IL22RA2: variants seen among roughly 807,000 people sequenced by gnomAD.
IL22RA2 encodes interleukin 22 receptor subunit alpha 2, also known as interleukin-22 receptor subunit alpha-2.
A neutral mutation model predicts 30.7 loss-of-function variants in IL22RA2; 39 were observed. That is an observed-to-expected ratio of 1.27 (90% CI 0.98 to 1.66). The LOEUF is 1.66. Ranked by LOEUF, IL22RA2 falls within the 40% of genes most tolerant of loss-of-function variation. The pLI is 0.00. For missense variants in IL22RA2, 315 were observed against 312.7 expected, an observed-to-expected ratio of 1.01 and a Z score of -0.05; for synonymous variants, 103 against 105.0, an observed-to-expected ratio of 0.98 and a Z score of 0.11.
At chr6:137,168,189 A>T (rs1778658860) in intron 1 of IL22RA2, among the ~76,000 whole-genome samples, 1 of 152,220 alleles carries the variant, frequency 6.6e-6, no homozygotes, top group African/African-American at 2.4e-5. Context: ...AAACTCTGTT[A>T]TACCAGACCT....
chr6:137,165,471 A>G (rs1778608680), intron 1 of IL22RA2, among the ~76,000 whole-genome samples: 1 of 152,206 alleles, frequency 6.6e-6, no homozygotes, highest in African/African-American at 2.4e-5. Flanking sequence ...GAAAAGCTAG[A>G]TGCAGAGCTA....
At chr6:137,169,269 G>T (rs752767893) in intron 1 of IL22RA2, among the ~76,000 whole-genome samples, 1 of 152,210 alleles carries the variant, frequency 6.6e-6, no homozygotes, top group Admixed American at 6.5e-5. Context: ...CTTTATAGAT[G>T]ATTCCTCTGT....
intron 2 of IL22RA2, among the ~76,000 whole-genome samples, chr6:137,158,904 G>T (rs536056256): frequency 6.6e-5 from 10 of 152,224 alleles, no homozygotes; most frequent in African/African-American, 2.4e-4. Flanking sequence ...CCACTTCTGG[G>T]CTCCAGGACC....
At chr6:137,167,894 T>A (rs944092898) in intron 1 of IL22RA2, among the ~76,000 whole-genome samples, 2 of 152,224 alleles carry the variant, frequency 1.3e-5, no homozygotes, top group Admixed American at 6.5e-5. Context: ...GGAAGCTGAC[T>A]AGTCTATGCA....
At chr6:137,149,158 C>T (rs754580228) in intron 5 of IL22RA2, among the ~76,000 whole-genome samples, 2 of 152,080 alleles carry the variant, frequency 1.3e-5, no homozygotes, top group Non-Finnish European at 2.9e-5. Flanking sequence ...GGGTGAAAGT[C>T]CCTCAATATC....
rs28741412 is a variant in IL22RA2, at chr6:137,164,714, C to T, written c.-65-2900G>A. ...GGGAGGAACTCCAGGGTGATGAGGT[C>T]GGCCGCCTTAGGTCGGTCCGTGCCC... On this transcript the variant is annotated intron_variant, in intron 1 of 6. Transcript: ENST00000296980. Among the ~76,000 whole-genome samples, 243 of 152,330 alleles carry T rather than the reference C, an allele frequency of 1.6e-3. 2 individuals are homozygous for T. The highest frequency in any genetic ancestry group is 5.6e-3 in the African/African-American group (231 of 41,574).
chr6:137,145,481 A>G lies in IL22RA2; in HGVS notation c.*143T>C. The G allele has an allele frequency of 1.5e-6, 1 of 651,814 alleles. No individual in the cohort carries two copies. The highest frequency in any genetic ancestry group is 2.4e-6 in the Non-Finnish European group (1 of 408,636). 40.4% of individuals were successfully genotyped at this position (651,814 alleles called of 1,614,324 possible). On this transcript the variant is annotated 3_prime_UTR_variant, in exon 7 of 7. Coordinates refer to ENST00000296980, the MANE Select transcript of IL22RA2 (RefSeq NM_052962.3). ...ATATAAAGGATAAAAGAATGGATAA[A>G]CAAAGAAGTCCCCAAGGTGTAACAG...
chr6:137,167,827 G>C (rs893134361), intron 1 of IL22RA2, among the ~76,000 whole-genome samples: 1 of 152,206 alleles, frequency 6.6e-6, no homozygotes, highest in Admixed American at 6.5e-5. Flanking sequence ...GAGGCTGGTT[G>C]GTCCACGCAC....
intron 1 of IL22RA2, among the ~76,000 whole-genome samples, chr6:137,167,995 G>T (rs185343040): frequency 2.0e-4 from 31 of 152,320 alleles, no homozygotes; most frequent in Non-Finnish European, 1.5e-5. Flanking sequence ...TAATTATTTT[G>T]CTGTCATGTT....
intron 5 of IL22RA2, among the ~76,000 whole-genome samples, chr6:137,151,403 A>C (rs1374971759): frequency 6.6e-6 from 1 of 152,222 alleles, no homozygotes; most frequent in Non-Finnish European, 1.5e-5. Flanking sequence ...CACATACAAA[A>C]ATTAACTCAA....
In IL22RA2 at chr6:137,144,435, G is replaced by C. The variant is rs1182246138; in HGVS notation, c.*1189C>G. 2.0e-5 allele frequency: 3 copies of C among 152,326 alleles called. No individual in the cohort carries two copies. In the East Asian group the frequency reaches 5.8e-4, roughly 29 times the overall value. The allele number at this position is 152,326 out of a possible 1,614,324, so 9.4% of individuals were successfully genotyped here. A position where few individuals can be genotyped will look rare whatever the true frequency, so the allele number is the denominator to read the frequency against. ...ATGGGGAATTGTACAAATGTTCTCTGATATGTATCTCCTCACTAGAAAGAC... is the reference window on the plus strand; with the variant it reads ...ATGGGGAATTGTACAAATGTTCTCTCATATGTATCTCCTCACTAGAAAGAC... On this transcript the variant is annotated 3_prime_UTR_variant, in exon 7 of 7. Transcript: ENST00000296980.
chr6:137,153,617 T>A (rs138560867), intron 5 of IL22RA2, among the ~76,000 whole-genome samples: 1 of 152,288 alleles, frequency 6.6e-6, no homozygotes, highest in East Asian at 1.9e-4. Context: ...TCCTGACCAT[T>A]TGGAGCGCCT....
In IL22RA2 at chr6:137,163,036, G is replaced by A. The variant is rs9494676; in HGVS notation, c.-65-1222C>T. Among the ~76,000 whole-genome samples the A allele has an allele frequency of 6.2e-3, 937 of 152,272 alleles. 5 individuals carry two copies. Among genetic ancestry groups the A allele is most frequent in the African/African-American group, 0.02 (851 of 41,540 alleles). On this transcript the variant is annotated intron_variant, in intron 1 of 6. Coordinates refer to ENST00000296980, the MANE Select transcript of IL22RA2 (RefSeq NM_052962.3). ...GCCTGTCTTCTCTCTGTGGACAGTG[G>A]ACCTTATCTATACTTCCCAAATCCA...
intron 6 of IL22RA2, among the ~76,000 whole-genome samples, chr6:137,147,283 GC>G (rs1422749504): frequency 6.8e-6 from 1 of 146,582 alleles, no homozygotes; most frequent in Non-Finnish European, 1.5e-5. Flanking sequence ...GACCACTTAA[GC>G]CCAGAAGTTA....
Position 137,173,545 on chromosome 6 carries a change from T to C in IL22RA2, c.-198A>G, listed in dbSNP as rs1010797532. ...AATCCTCTTATGAAGTCTAGGAGAT[T>C]GGTATTATTATTCATTTGATGTTAC... On this transcript the variant is annotated 5_prime_UTR_variant, in exon 1 of 7. Transcript: ENST00000296980. The C allele has an allele frequency of 6.6e-6, 1 of 152,224 alleles. No homozygotes were observed. Among genetic ancestry groups the C allele is most frequent in the Admixed American group, 6.5e-5 (1 of 15,286 alleles). 9.4% of individuals were successfully genotyped at this position (152,224 alleles called of 1,614,324 possible).
At chr6:137,165,551 G>A (rs754872254) in intron 1 of IL22RA2, among the ~76,000 whole-genome samples, 14 of 152,126 alleles carry the variant, frequency 9.2e-5, no homozygotes, top group Admixed American at 1.3e-4. Flanking sequence ...GGATGTGGTC[G>A]TGGTTGCGGT....
chr6:137,172,232 A>T lies in IL22RA2; in HGVS notation c.-66+1181T>A, dbSNP rs551505875. ...TTCGAGGTTTTATGATGAGAGCAGCAGAGAACGAAATTGAGGTTTCCACTG... is the reference window on the plus strand; with the variant it reads ...TTCGAGGTTTTATGATGAGAGCAGCTGAGAACGAAATTGAGGTTTCCACTG... On this transcript the variant is annotated intron_variant, in intron 1 of 6. Transcript: ENST00000296980. Among the ~76,000 whole-genome samples, 3 of 152,364 alleles carry T rather than the reference A, an allele frequency of 2.0e-5. No individual in the cohort carries two copies. The South Asian group carries it at 6.2e-4, about 32-fold the overall frequency.
At chr6:137,154,807 G>A (rs1445365131) in intron 5 of IL22RA2, 134 bp downstream of exon 5, 2 of 699,588 alleles carry the variant, frequency 2.9e-6, no homozygotes, top group Non-Finnish European at 5.0e-6. Flanking sequence ...TCCTAGAGTT[G>A]TTCTGACAAT....
intron 1 of IL22RA2, among the ~76,000 whole-genome samples, chr6:137,162,438 T>C (rs1396412920): frequency 6.6e-6 from 1 of 152,142 alleles, no homozygotes; most frequent in Non-Finnish European, 1.5e-5. Context: ...CCTCTTCCAT[T>C]TTCACACCCA....
Sources: allele counts gnomAD v4.1 joint callset (sites outside exome capture counted in the v4.1 genomes callset), GRCh38; gene constraint gnomAD v4.1.1; transcripts MANE v1.5; gene names NCBI Gene and HGNC (gene_info 2026-07-23, HGNC 2026-07-21).